DPP10: variants seen among roughly 807,000 people sequenced by gnomAD.
DPP10 encodes the protein inactive dipeptidyl peptidase 10.
In DPP10, 33 loss-of-function variants were observed where a neutral mutation model predicts 120.9. That is an observed-to-expected ratio of 0.27 (90% CI 0.21 to 0.37). The LOEUF (loss-of-function observed/expected upper bound fraction) is 0.37. Among genes scored for constraint, DPP10 ranks in the 10% least tolerant of loss-of-function variants. DPP10 has a pLI of 1.00. For missense variants in DPP10, 816 were observed against 942.8 expected (o/e 0.87, Z 1.76); for synonymous variants, 337 against 326.1 (o/e 1.03, Z -0.36).
intron 1 of DPP10, among the ~76,000 whole-genome samples, chr2:114,449,781 A>G (rs755150677): frequency 2.6e-5 from 4 of 152,214 alleles, no homozygotes; most frequent in Admixed American, 6.5e-5. Flanking sequence ...CGACATTTTC[A>G]TAAGGAGTTG....
chr2:115,200,581 C>T (rs2055632821), intron 1 of DPP10, among the ~76,000 whole-genome samples: 2 of 152,162 alleles, frequency 1.3e-5, no homozygotes, highest in South Asian at 4.1e-4. Context: ...TTTCCCTAAG[C>T]AGGCACAGCA....
chr2:115,023,794 T>A (rs1392840977), intron 1 of DPP10, among the ~76,000 whole-genome samples: 1 of 152,076 alleles, frequency 6.6e-6, no homozygotes, highest in Admixed American at 6.6e-5. Flanking sequence ...TGTGGTACTG[T>A]GGTATACATA....
intron 1 of DPP10, among the ~76,000 whole-genome samples, chr2:114,930,337 G>A (rs1047932856): frequency 3.3e-5 from 5 of 151,972 alleles, no homozygotes; most frequent in African/African-American, 1.2e-4. Flanking sequence ...TCATTTCCTC[G>A]CTACCAAATC....
chr2:115,573,976 A>C (rs2081505134), intron 5 of DPP10, among the ~76,000 whole-genome samples: 1 of 152,070 alleles, frequency 6.6e-6, no homozygotes. Flanking sequence ...GAACCACTGA[A>C]GCTTAACTAA....
At chr2:114,976,064 A>T (rs1180965823) in intron 1 of DPP10, among the ~76,000 whole-genome samples, 1 of 152,252 alleles carries the variant, frequency 6.6e-6, no homozygotes, top group Non-Finnish European at 1.5e-5. Context: ...AATTTGAAGT[A>T]GAATTCTGAA....
At chr2:114,484,156 C>T (rs1277170205) in intron 1 of DPP10, among the ~76,000 whole-genome samples, 1 of 152,156 alleles carries the variant, frequency 6.6e-6, no homozygotes, top group Non-Finnish European at 1.5e-5. Context: ...GGCTGTGAGC[C>T]TGTTCAATAC....
chr2:114,853,195 C>T (rs576006355), intron 1 of DPP10, among the ~76,000 whole-genome samples: 4 of 152,126 alleles, frequency 2.6e-5, no homozygotes, highest in Non-Finnish European at 4.4e-5. Flanking sequence ...GGCTTGAGTG[C>T]GCTTTCTTGG....
intron 3 of DPP10, among the ~76,000 whole-genome samples, chr2:115,453,019 G>A (rs1195979635): frequency 6.6e-6 from 1 of 151,516 alleles, no homozygotes; most frequent in Non-Finnish European, 1.5e-5. Flanking sequence ...CCATAATTAG[G>A]CATTTCCAAC....
At chr2:115,617,526 TATA>T (rs1328450663) in intron 5 of DPP10, among the ~76,000 whole-genome samples, 3 of 151,852 alleles carry the variant, frequency 2.0e-5, no homozygotes, top group Non-Finnish European at 4.4e-5. Flanking sequence ...CCTATAAGAT[TATA>T]ATAAGATATT....
chr2:115,186,068 A>G (rs1383379201), intron 1 of DPP10, among the ~76,000 whole-genome samples: 1 of 152,224 alleles, frequency 6.6e-6, no homozygotes, highest in African/African-American at 2.4e-5. Context: ...GAACTTTTAA[A>G]AAGTCTATTA....
rs1352755124 is a variant in DPP10, at chr2:115,844,464, C to T, written c.*2119C>T. On this transcript the variant is annotated 3_prime_UTR_variant, in exon 26 of 26. Transcript: ENST00000410059. The stretch of plus-strand genomic sequence containing the variant: ...ACATTTTTCTGGAACCCGTTTTCCC[C>T]TTAAACACTAAAGAGACCTCAAGTG... The T allele has an allele frequency of 6.6e-6, 1 of 152,436 alleles. No individual in the cohort carries two copies. Among genetic ancestry groups the T allele is most frequent in the East Asian group, 1.9e-4 (1 of 5,188 alleles). 9.4% of individuals were successfully genotyped at this position (152,436 alleles called of 1,614,324 possible). A position where few individuals can be genotyped will look rare whatever the true frequency, so the allele number is the denominator to read the frequency against.
chr2:115,372,035 A>G (rs1374858021), intron 3 of DPP10, among the ~76,000 whole-genome samples: 1 of 152,142 alleles, frequency 6.6e-6, no homozygotes. Context: ...ATGGTTTTCT[A>G]TGTAATGTAA....
intron 1 of DPP10, among the ~76,000 whole-genome samples, chr2:114,464,409 G>T (rs1258427824): frequency 6.6e-6 from 1 of 151,920 alleles, no homozygotes; most frequent in East Asian, 1.9e-4. Flanking sequence ...TGGGGAGTCT[G>T]TTCAGTTATT....
intron 2 of DPP10, among the ~76,000 whole-genome samples, chr2:115,336,309 G>A (rs547014526): frequency 2.0e-5 from 3 of 152,092 alleles, no homozygotes; most frequent in South Asian, 4.1e-4. Context: ...TTCAATTTCA[G>A]TTCTGTTGCC....
chr2:114,738,505 G>C (rs1200891869), intron 1 of DPP10, among the ~76,000 whole-genome samples: 1 of 152,082 alleles, frequency 6.6e-6, no homozygotes, highest in African/African-American at 2.4e-5. Context: ...ATAAAGCCTG[G>C]GACACAGAGT....
chr2:115,045,738 G>A (rs962209238), intron 1 of DPP10, among the ~76,000 whole-genome samples: 2 of 152,036 alleles, frequency 1.3e-5, no homozygotes, highest in Non-Finnish European at 2.9e-5. Flanking sequence ...TTAAAACCAG[G>A]TATTGTAATC....
intron 1 of DPP10, among the ~76,000 whole-genome samples, chr2:114,682,615 G>C (rs1699100259): frequency 6.6e-6 from 1 of 150,956 alleles, no homozygotes; most frequent in Non-Finnish European, 1.5e-5. Flanking sequence ...GAATAATATT[G>C]AATATGTCCC....
At chr2:114,636,999 T>C (rs571332398) in intron 1 of DPP10, among the ~76,000 whole-genome samples, 1 of 151,942 alleles carries the variant, frequency 6.6e-6, no homozygotes, top group African/African-American at 2.4e-5. Context: ...GAAGGAACCA[T>C]TTGCAAACTA....
At chr2:115,762,264 G>A (rs1186380962) in intron 11 of DPP10, among the ~76,000 whole-genome samples, 1 of 152,128 alleles carries the variant, frequency 6.6e-6, no homozygotes, top group Non-Finnish European at 1.5e-5. Context: ...GACAGTGTCT[G>A]GTGGTTCAAA....
Sources: gnomAD v4.1 joint callset for allele counts (sites outside exome capture counted in the v4.1 genomes callset) on GRCh38, gnomAD v4.1.1 for gene constraint, MANE v1.5 for transcripts, NCBI Gene and HGNC (gene_info 2026-07-23, HGNC 2026-07-21) for gene names.